The following AGPAT4 variants were observed in gnomAD, a reference collection of about 807,000 sequenced individuals.
AGPAT4 encodes the protein 1-acylglycerol-3-phosphate O-acyltransferase 4, also known as 1-acyl-sn-glycerol-3-phosphate acyltransferase delta.
A neutral mutation model predicts 48.0 loss-of-function variants in AGPAT4; 15 were observed. That is an observed-to-expected ratio of 0.31 (90% confidence interval 0.21 to 0.48). The LOEUF (loss-of-function observed/expected upper bound fraction) is 0.48. Ranked by LOEUF, AGPAT4 falls within the 20% of genes least tolerant of loss-of-function variation. AGPAT4 has a pLI of 0.99. For missense variants in AGPAT4, 314 were observed against 482.5 expected (o/e 0.65, Z 3.27); for synonymous variants, 178 against 198.7 (o/e 0.90, Z 0.88).
chr6:161,173,401 T>C (rs577559204), intron 2 of AGPAT4, among the ~76,000 whole-genome samples: 1 of 152,364 alleles, frequency 6.6e-6, no homozygotes, highest in South Asian at 2.1e-4. Context: ...CCAGTGATGA[T>C]GAGCATTTTT....
intron 3 of AGPAT4, among the ~76,000 whole-genome samples, chr6:161,162,937 T>G (rs897178076): frequency 1.3e-5 from 2 of 152,230 alleles, no homozygotes; most frequent in African/African-American, 2.4e-5. Context: ...TAGTGACCTG[T>G]GCCCCAGCTG....
At chr6:161,253,854 G>A (rs577660263) in intron 1 of AGPAT4, among the ~76,000 whole-genome samples, 5 of 152,236 alleles carry the variant, frequency 3.3e-5, no homozygotes, top group African/African-American at 1.2e-4. Flanking sequence ...TGCTTTGGAT[G>A]ACTACCCCAA....
Position 161,217,230 on chromosome 6 carries a change from G to A in AGPAT4, c.178+14806C>T, listed in dbSNP as rs1781673141. 6.6e-6 allele frequency among the ~76,000 whole-genome samples: 1 copy of A among 152,216 alleles called. No individual in the cohort carries two copies. The highest frequency in any genetic ancestry group is 1.5e-5 in the Non-Finnish European group (1 of 68,044). ...AACTCGGTCATCCGCTTGGGAGCCA[G>A]GGACATGCTGAGCTGGAAAACCTAG... On this transcript the variant is annotated intron_variant, in intron 2 of 8. Coordinates refer to ENST00000320285, the MANE Select transcript of AGPAT4 (RefSeq NM_020133.3). This position sits in a 1 kb window ranked among gnomAD's most constrained non-coding sequence, Gnocchi z 4.9.
chr6:161,177,972 A>G lies in AGPAT4; in HGVS notation c.179-11555T>C, dbSNP rs768439863. Among the ~76,000 whole-genome samples, 84 of 152,324 alleles carry G rather than the reference A, an allele frequency of 5.5e-4. No homozygotes were observed. The highest frequency in any genetic ancestry group is 3.4e-3 in the Middle Eastern group (1 of 294). On this transcript the variant is annotated intron_variant, in intron 2 of 8. Transcript: ENST00000320285. The surrounding 1 kb of genome is among the most constrained non-coding windows in gnomAD (Gnocchi z 5.0). ...TGGAGGCTGCAGAACAGCAAATATT[A>G]CAGAACAGCAAATGTTGCTGCCTGA...
rs578252058 is a variant in AGPAT4 at position 161,242,785 on chromosome 6, C to A, written c.-89-10483G>T. Among the ~76,000 whole-genome samples, 7 of 152,226 alleles carry A rather than the reference C, an allele frequency of 4.6e-5. No homozygotes were observed. Among genetic ancestry groups the A allele is most frequent in the Admixed American group, 4.6e-4 (7 of 15,276 alleles). On this transcript the variant is annotated intron_variant, in intron 1 of 8. Transcript: ENST00000320285. The surrounding 1 kb of genome is among the most constrained non-coding windows in gnomAD (Gnocchi z 5.0). The stretch of plus-strand genomic sequence containing the variant: ...CATTATATTCTGGTTAATAAGGAAA[C>A]CTAGGCCGGGCGCAGCGGCTCACAC...
At chr6:161,150,836 A>G (rs1779569905) in intron 5 of AGPAT4, among the ~76,000 whole-genome samples, 1 of 152,222 alleles carries the variant, frequency 6.6e-6, no homozygotes, top group Non-Finnish European at 1.5e-5. Flanking sequence ...TGTGTGGACC[A>G]TGACTGTAGT....
Position 161,197,879 on chromosome 6 carries a change from G to C in AGPAT4, c.179-31462C>G, listed in dbSNP as rs989204364. On this transcript the variant is annotated intron_variant, in intron 2 of 8. Transcript: ENST00000320285. This position sits in a 1 kb window ranked among gnomAD's most constrained non-coding sequence, Gnocchi z 5.7. ...ACCCACTGCTGATTGATTGAAATGT[G>C]GTCTTGGCCTCACTGTCAATAGCAA... 2.0e-5 allele frequency among the ~76,000 whole-genome samples: 3 copies of C among 152,212 alleles called. No individual in the cohort carries two copies. The highest frequency in any genetic ancestry group is 7.2e-5 in the African/African-American group (3 of 41,444).
At chr6:161,181,266 A>AT (rs1780580987) in intron 2 of AGPAT4, among the ~76,000 whole-genome samples, 1 of 152,096 alleles carries the variant, frequency 6.6e-6, no homozygotes, top group Non-Finnish European at 1.5e-5. Context: ...ACAGTCTGGG[A>AT]TTGCTGAGGG....
rs982076738 is a variant in AGPAT4, at chr6:161,232,626, C to T, written c.-89-324G>A. ...AGCTGGGCAGCAGCTGAGCCAGCCA[C>T]GGAGCCCTGGGTCCCACTTGAGTGA... is the stretch of plus-strand genomic sequence containing the variant. On this transcript the variant is annotated intron_variant, in intron 1 of 8. Coordinates refer to ENST00000320285, the MANE Select transcript of AGPAT4 (RefSeq NM_020133.3). The surrounding 1 kb of genome is among the most constrained non-coding windows in gnomAD (Gnocchi z 6.8). Among the ~76,000 whole-genome samples, 3 of 152,174 alleles carry T rather than the reference C, an allele frequency of 2.0e-5. No individual in the cohort carries two copies. The highest frequency in any genetic ancestry group is 4.4e-5 in the Non-Finnish European group (3 of 68,024).
At chr6:161,194,828 C>A (rs1281097690) in intron 2 of AGPAT4, among the ~76,000 whole-genome samples, 1 of 152,148 alleles carries the variant, frequency 6.6e-6, no homozygotes, top group Non-Finnish European at 1.5e-5. Context: ...AGACTTGGTG[C>A]CTGTCACATT....
At position 161,154,402 on chromosome 6, in the gene AGPAT4, G is replaced by A; in HGVS notation, c.349-92C>T. The A allele has an allele frequency of 6.8e-7, 1 of 1,479,034 alleles. No homozygotes were observed. The highest frequency in any genetic ancestry group is 1.2e-5 in the South Asian group (1 of 83,838). The allele number at this position is 1,479,034 out of a possible 1,614,324, so 91.6% of individuals were successfully genotyped here. On this transcript the variant is annotated intron_variant, in intron 3 of 8. Transcript: ENST00000320285. This position sits in a 1 kb window ranked among gnomAD's most constrained non-coding sequence, Gnocchi z 7.8. ...GAGACTGAAGTAGAAAAAGAGGAGG[G>A]GACGTTCACACCAGACGCCTCGGGA...
In AGPAT4 at chr6:161,200,463, G is replaced by C. The variant is rs1233741419; in HGVS notation, c.178+31573C>G. 6.6e-6 allele frequency among the ~76,000 whole-genome samples: 1 copy of C among 152,116 alleles called. No individual in the cohort carries two copies. Among genetic ancestry groups the C allele is most frequent in the Non-Finnish European group, 1.5e-5 (1 of 68,016 alleles). ...GTACAATCCTAATTATCTATGAGAAGGCCTGCACTCTCTGGCTTCTTCCAT... is the reference window on the plus strand; with the variant it reads ...GTACAATCCTAATTATCTATGAGAACGCCTGCACTCTCTGGCTTCTTCCAT... On this transcript the variant is annotated intron_variant, in intron 2 of 8. Coordinates refer to ENST00000320285, the MANE Select transcript of AGPAT4 (RefSeq NM_020133.3). The surrounding 1 kb of genome is among the most constrained non-coding windows in gnomAD (Gnocchi z 5.5).
chr6:161,191,834 G>C (rs1344486664), intron 2 of AGPAT4, among the ~76,000 whole-genome samples: 1 of 152,192 alleles, frequency 6.6e-6, no homozygotes, highest in African/African-American at 2.4e-5. Flanking sequence ...ACTGCAAGGA[G>C]GCCATTGTTG....
In AGPAT4 at chr6:161,177,121, T is replaced by G. The variant is rs2114989165; in HGVS notation, c.179-10704A>C. ...TGGTGAATCTGACAATTATGTGTCT[T>G]AGAGTTGCTCTTCTCGAGGAGTATC... On this transcript the variant is annotated intron_variant, in intron 2 of 8. Coordinates refer to ENST00000320285, the MANE Select transcript of AGPAT4 (RefSeq NM_020133.3). The surrounding 1 kb of genome is among the most constrained non-coding windows in gnomAD (Gnocchi z 5.0). Among the ~76,000 whole-genome samples, 1 of 152,316 alleles carries G rather than the reference T, an allele frequency of 6.6e-6. No individual in the cohort carries two copies. The highest frequency in any genetic ancestry group is 1.9e-4 in the East Asian group (1 of 5,178).
In AGPAT4 at chr6:161,206,419, C is replaced by T. The variant is rs2115014874; in HGVS notation, c.178+25617G>A. Among the ~76,000 whole-genome samples the T allele has an allele frequency of 6.6e-6, 1 of 152,270 alleles. No individual in the cohort carries two copies. Among genetic ancestry groups the T allele is most frequent in the East Asian group, 1.9e-4 (1 of 5,182 alleles). On this transcript the variant is annotated intron_variant, in intron 2 of 8. Transcript: ENST00000320285. The surrounding 1 kb of genome is among the most constrained non-coding windows in gnomAD (Gnocchi z 4.8). ...GGAGACCTGGTGGGAAATCTGAACT[C>T]CCACCTTTGCACAGCAGTAATGAGA... is the stretch of plus-strand genomic sequence containing the variant.
At chr6:161,145,610 G>T (rs1779396153) in intron 7 of AGPAT4, among the ~76,000 whole-genome samples, 1 of 151,616 alleles carries the variant, frequency 6.6e-6, no homozygotes. Context: ...GAGTCTTGTG[G>T]ACTAAAATCC....
chr6:161,186,803 C>A (rs1387497730), intron 2 of AGPAT4, among the ~76,000 whole-genome samples: 3 of 152,184 alleles, frequency 2.0e-5, no homozygotes, highest in Non-Finnish European at 4.4e-5. Context: ...ATTCTCTGTA[C>A]CTACCCCAAG....
intron 2 of AGPAT4, among the ~76,000 whole-genome samples, chr6:161,175,079 T>C (rs1780391208): frequency 4.6e-5 from 7 of 152,220 alleles, no homozygotes; most frequent in Admixed American, 6.5e-5. Context: ...TTTGCATCGA[T>C]GTTCATCAGG....
chr6:161,223,169 C>A lies in AGPAT4; in HGVS notation c.178+8867G>T, dbSNP rs191591330. 9.4e-4 allele frequency among the ~76,000 whole-genome samples: 143 copies of A among 152,290 alleles called. No individual in the cohort carries two copies. Among genetic ancestry groups the A allele is most frequent in the African/African-American group, 3.2e-3 (135 of 41,568 alleles). Reference sequence around the variant, plus strand: ...CACTAGACTGGGTCCCTACCAAGGACAGCAGCTGCACCCCTCTCATCTCTG... The same window carrying A: ...CACTAGACTGGGTCCCTACCAAGGAAAGCAGCTGCACCCCTCTCATCTCTG... On this transcript the variant is annotated intron_variant, in intron 2 of 8. Coordinates refer to ENST00000320285, the MANE Select transcript of AGPAT4 (RefSeq NM_020133.3). This position sits in a 1 kb window ranked among gnomAD's most constrained non-coding sequence, Gnocchi z 6.3.
Sources: allele counts gnomAD v4.1 joint callset (sites outside exome capture counted in the v4.1 genomes callset), GRCh38; gene constraint gnomAD v4.1.1; non-coding constraint Gnocchi (gnomAD v3.1); transcripts MANE v1.5; gene names NCBI Gene and HGNC (gene_info 2026-07-23, HGNC 2026-07-21).